Variants in WDFY1 observed in about 807,000 individuals in gnomAD.
The protein encoded by WDFY1 is WD repeat and FYVE domain-containing protein 1.
In WDFY1, 32 loss-of-function variants were observed where a neutral mutation model predicts 56.4. The ratio of observed to expected loss-of-function variants is 0.57; its 90% CI spans 0.43 to 0.76. The LOEUF (loss-of-function observed/expected upper bound fraction) is 0.76, where lower values mean the gene tolerates loss of function less well. WDFY1 is among the 30% of genes least tolerant of loss of function. The pLI, the probability that WDFY1 is intolerant of heterozygous loss-of-function variation, is 0.00. For synonymous variants in WDFY1, 192 were observed against 197.3 expected, an observed-to-expected ratio of 0.97 and a Z score of 0.23; for missense variants, 480 against 545.7, an observed-to-expected ratio of 0.88 and a Z score of 1.20.
At chr2:223,881,101 T>C (rs928417599) in intron 10 of WDFY1, among the ~76,000 whole-genome samples, 1 of 152,262 alleles carries the variant, frequency 6.6e-6, no homozygotes, top group African/African-American at 2.4e-5. Context: ...CCTAACGGAT[T>C]TGCCTAAAAG....
chr2:223,878,799 G>T, intron 11 of WDFY1, 69 bp from the exon 12 acceptor site: 2 of 1,496,740 alleles, frequency 1.3e-6, no homozygotes, highest in East Asian at 2.5e-5. Context: ...AGTCAACACA[G>T]ACAAACAAAC....
rs780793701 is a variant in WDFY1 at position 223,894,297 on chromosome 2, C to T, written c.768G>A (p.Gln256=). ...QSLCYLQLTR[Q]LVSCSSDGGI... ...CGCCGTCCGAGGAACAGGAGACGAG[C>T]TGCCTGGTGAGCTGAAGGTAGCACA... The change falls in exon 8 of 12, where the codon CAG becomes CAA. Residue 256 remains glutamine, a synonymous_variant. Coordinates refer to ENST00000233055, the MANE Select transcript of WDFY1 (RefSeq NM_020830.5). 8 of 1,614,218 alleles carry T rather than the reference C, an allele frequency of 5.0e-6. No individual in the cohort carries two copies. The highest frequency in any genetic ancestry group is 6.8e-6 in the Non-Finnish European group (8 of 1,180,026).
chr2:223,916,262 G>T (rs2106091423), intron 2 of WDFY1, among the ~76,000 whole-genome samples: 2 of 152,274 alleles, frequency 1.3e-5, no homozygotes, highest in African/African-American at 4.8e-5. Context: ...AATGCTGCAT[G>T]CACAATGAAA....
At chr2:223,939,338 A>G (rs1344706580) in intron 1 of WDFY1, among the ~76,000 whole-genome samples, 1 of 152,184 alleles carries the variant, frequency 6.6e-6, no homozygotes, top group Non-Finnish European at 1.5e-5. Context: ...GGGTTTCTCA[A>G]TATCAGCACT....
Position 223,945,214 on chromosome 2 carries a change from T to G in WDFY1, c.71A>C (p.Gln24Pro). The G allele has an allele frequency of 6.3e-7, 1 of 1,599,112 alleles. No homozygotes were observed. Among genetic ancestry groups the G allele is most frequent in the Non-Finnish European group, 8.5e-7 (1 of 1,175,718 alleles). ...GAGCAGCGCGGCCGTGACGGCGTCCTGGTGCCCCTCGATCTTGCTCAGCAG... is the reference window on the plus strand; with the variant it reads ...GAGCAGCGCGGCCGTGACGGCGTCCGGGTGCCCCTCGATCTTGCTCAGCAG... ...PVLLSKIEGH[Q>P]DAVTAALLIP... The change falls in exon 1 of 12, where the codon CAG becomes CCG. Residue 24 changes from glutamine (Q) to proline (P), a missense_variant. Physicochemically the swap from Gln to Pro is moderately conservative, Grantham distance 76 (BLOSUM62 -1). Transcript: ENST00000233055.
intron 10 of WDFY1, among the ~76,000 whole-genome samples, chr2:223,880,916 G>A (rs1031341038): frequency 3.3e-5 from 5 of 152,122 alleles, no homozygotes; most frequent in African/African-American, 9.7e-5. Flanking sequence ...CCATGCACAG[G>A]AGCAGTGCCT....
At chr2:223,899,555 G>A (rs928080100) in intron 5 of WDFY1, among the ~76,000 whole-genome samples, 4 of 152,102 alleles carry the variant, frequency 2.6e-5, no homozygotes, top group African/African-American at 9.7e-5. Flanking sequence ...GACCAACCTG[G>A]CCAACATGGT....
chr2:223,905,176 G>C (rs532806335), intron 4 of WDFY1, among the ~76,000 whole-genome samples: 15 of 152,212 alleles, frequency 9.9e-5, no homozygotes, highest in Non-Finnish European at 1.8e-4. Context: ...TTCATGAACA[G>C]GTATTCTCAG....
At chr2:223,903,542 A>C (rs1019583604) in intron 4 of WDFY1, among the ~76,000 whole-genome samples, 42 of 151,958 alleles carry the variant, frequency 2.8e-4, no homozygotes, top group Middle Eastern at 6.8e-3. Flanking sequence ...AACAAAACAA[A>C]AAAAAACCTT....
intron 1 of WDFY1, among the ~76,000 whole-genome samples, chr2:223,918,342 T>C (rs1693827450): frequency 6.6e-6 from 1 of 152,072 alleles, no homozygotes; most frequent in African/African-American, 2.4e-5. Flanking sequence ...AATATGAAAA[T>C]GTTCGGCCAG....
chr2:223,885,716 C>T (rs1472809336), intron 8 of WDFY1, among the ~76,000 whole-genome samples: 1 of 152,206 alleles, frequency 6.6e-6, no homozygotes, highest in Non-Finnish European at 1.5e-5. Context: ...CTTGGAAAGG[C>T]TTGCGGGGTC....
chr2:223,927,904 GA>G (rs1020770766), intron 1 of WDFY1, among the ~76,000 whole-genome samples: 45 of 152,228 alleles, frequency 3.0e-4, no homozygotes, highest in African/African-American at 1.1e-3. Context: ...GTGTCTCAGG[GA>G]ATAAGGAGGC....
At chr2:223,941,885 C>G (rs1689310635) in intron 1 of WDFY1, among the ~76,000 whole-genome samples, 1 of 152,136 alleles carries the variant, frequency 6.6e-6, no homozygotes, top group Admixed American at 6.5e-5. Flanking sequence ...AAAACCCACG[C>G]CCATGTGCTT....
At chr2:223,880,060 C>T in intron 11 of WDFY1, 64 bp downstream of exon 11, 1 of 1,356,606 alleles carries the variant, frequency 7.4e-7, no homozygotes, top group Non-Finnish European at 1.1e-6. Context: ...CTGTCTCCTG[C>T]ACATTCACAG....
chr2:223,912,378 G>C (rs770036173), intron 2 of WDFY1, 52 bp from the exon 3 acceptor site: 4 of 1,355,084 alleles, frequency 3.0e-6, no homozygotes, highest in Non-Finnish European at 3.9e-6. Context: ...ACTTTAAGTT[G>C]TTCTTCAAAG....
chr2:223,881,680 C>T lies in WDFY1; in HGVS notation c.1064+262G>A, dbSNP rs58825329. On this transcript the variant is annotated intron_variant, in intron 10 of 11. Coordinates refer to ENST00000233055, the MANE Select transcript of WDFY1 (RefSeq NM_020830.5). ...GGGGGCGCCTGTAATCCCAGCTACT[C>T]GGGTGGCTGAGGCAGGAGAATCGCT... is the stretch of plus-strand genomic sequence containing the variant. 0.03 allele frequency among the ~76,000 whole-genome samples: 4,493 copies of T among 152,054 alleles called. 199 individuals carry two copies. The highest frequency in any genetic ancestry group is 0.1 in the African/African-American group (4,191 of 41,450).
At chr2:223,914,852 A>T (rs984310510) in intron 2 of WDFY1, among the ~76,000 whole-genome samples, 1 of 152,254 alleles carries the variant, frequency 6.6e-6, no homozygotes, top group African/African-American at 2.4e-5. Context: ...TCTTCAGCTA[A>T]AGCAGATTCT....
intron 2 of WDFY1, among the ~76,000 whole-genome samples, chr2:223,914,619 C>T (rs980917138): frequency 1.3e-5 from 2 of 152,168 alleles, no homozygotes; most frequent in Non-Finnish European, 2.9e-5. Context: ...GTTTGTAGAC[C>T]TACCCATCAC....
intron 1 of WDFY1, among the ~76,000 whole-genome samples, chr2:223,943,204 C>A (rs1227332983): frequency 1.5e-5 from 2 of 135,920 alleles, no homozygotes; most frequent in Non-Finnish European, 3.3e-5. Context: ...AAAAAAAAGT[C>A]ATTATTCTGT....
Sources: allele counts gnomAD v4.1 joint callset (sites outside exome capture counted in the v4.1 genomes callset), GRCh38; gene constraint gnomAD v4.1.1; transcripts MANE v1.5; gene names NCBI Gene and HGNC (gene_info 2026-07-23, HGNC 2026-07-21).